The following CNTNAP2 variants were observed in gnomAD, a reference collection of about 807,000 sequenced individuals.
The protein encoded by CNTNAP2 is contactin associated protein 2, also known as contactin-associated protein-like 2.
A neutral mutation model predicts 155.2 loss-of-function variants in CNTNAP2; 98 were observed. The ratio of observed to expected loss-of-function variants is 0.63; its 90% CI spans 0.54 to 0.75. CNTNAP2 has a LOEUF of 0.75. Among genes scored for constraint, CNTNAP2 ranks in the 30% least tolerant of loss-of-function variants. The pLI is 0.00. For missense variants in CNTNAP2, 1,727 were observed against 1,688.1 expected, an observed-to-expected ratio of 1.02 and a Z score of -0.40; for synonymous variants, 651 against 631.2, an observed-to-expected ratio of 1.03 and a Z score of -0.47.
intron 12 of CNTNAP2, among the ~76,000 whole-genome samples, chr7:147,631,064 C>T (rs141056398): frequency 0.015 from 2,206 of 152,026 alleles, 25 homozygotes; most frequent in Non-Finnish European, 0.02. Context: ...GATCATATAC[C>T]TAGAAAACCC....
chr7:146,705,784 TGC>T (rs1800954375), intron 1 of CNTNAP2, among the ~76,000 whole-genome samples: 2 of 152,022 alleles, frequency 1.3e-5, no homozygotes, highest in Non-Finnish European at 2.9e-5. Context: ...TGGGGGAAGC[TGC>T]CCTAATGATT....
intron 13 of CNTNAP2, among the ~76,000 whole-genome samples, chr7:147,775,830 G>A (rs1200910363): frequency 1.3e-5 from 2 of 152,116 alleles, no homozygotes; most frequent in Non-Finnish European, 2.9e-5. Context: ...AGGTGTTACT[G>A]ACTGGCATTC....
chr7:146,481,407 C>T (rs1796958777), intron 1 of CNTNAP2, among the ~76,000 whole-genome samples: 1 of 152,216 alleles, frequency 6.6e-6, no homozygotes, highest in Non-Finnish European at 1.5e-5. Context: ...TGACCTTTTG[C>T]AAGTTACTCA....
intron 1 of CNTNAP2, among the ~76,000 whole-genome samples, chr7:146,351,932 G>A (rs765346168): frequency 2.0e-5 from 3 of 152,134 alleles, no homozygotes; most frequent in South Asian, 2.1e-4. Context: ...ACAACATAAC[G>A]TATTTGGAGG....
chr7:147,558,645 C>T (rs1799994910), intron 11 of CNTNAP2, among the ~76,000 whole-genome samples: 2 of 152,168 alleles, frequency 1.3e-5, no homozygotes. Context: ...AAGGCAAGCA[C>T]AATAATTGTT....
chr7:146,244,816 T>C (rs939281967), intron 1 of CNTNAP2, among the ~76,000 whole-genome samples: 11 of 152,168 alleles, frequency 7.2e-5, no homozygotes, highest in Non-Finnish European at 1.6e-4. Flanking sequence ...AGGAAAGGAC[T>C]CTACCTATCC....
chr7:146,465,128 C>G (rs1796699336), intron 1 of CNTNAP2, among the ~76,000 whole-genome samples: 1 of 151,928 alleles, frequency 6.6e-6, no homozygotes, highest in Non-Finnish European at 1.5e-5. Context: ...AACATACACA[C>G]ACACACCACA....
intron 3 of CNTNAP2, among the ~76,000 whole-genome samples, chr7:146,943,075 T>C (rs1437917775): frequency 6.6e-6 from 1 of 152,188 alleles, no homozygotes; most frequent in Non-Finnish European, 1.5e-5. Context: ...TGTCATGCAG[T>C]CAAATACCCA....
intron 3 of CNTNAP2, among the ~76,000 whole-genome samples, chr7:146,842,019 A>T (rs542904778): frequency 6.7e-6 from 1 of 149,458 alleles, no homozygotes; most frequent in East Asian, 2.0e-4. Context: ...AGTAGCTGGG[A>T]TTGCAGGCAT....
chr7:148,388,878 A>G (rs1212578772), intron 22 of CNTNAP2, among the ~76,000 whole-genome samples: 2 of 152,014 alleles, frequency 1.3e-5, no homozygotes, highest in African/African-American at 4.8e-5. Flanking sequence ...CTGCCATCTG[A>G]TCGTTCCTCT....
intron 11 of CNTNAP2, among the ~76,000 whole-genome samples, chr7:147,546,319 GA>G (rs1177802591): frequency 6.6e-6 from 1 of 151,760 alleles, no homozygotes; most frequent in African/African-American, 2.4e-5. Context: ...AGATCAGCAG[GA>G]AAAAAAGAAA....
intron 13 of CNTNAP2, among the ~76,000 whole-genome samples, chr7:147,819,446 T>G (rs1034234397): frequency 1.1e-4 from 16 of 152,102 alleles, no homozygotes; most frequent in Non-Finnish European, 2.9e-5. Context: ...ATTCCAGATC[T>G]TGATCCTCAT....
chr7:147,255,441 C>T (rs1163899918), intron 8 of CNTNAP2, among the ~76,000 whole-genome samples: 1 of 152,046 alleles, frequency 6.6e-6, no homozygotes, highest in Non-Finnish European at 1.5e-5. Flanking sequence ...AGGCTGGTCT[C>T]GAACTCCTGA....
intron 4 of CNTNAP2, among the ~76,000 whole-genome samples, chr7:147,076,223 G>T (rs1799998740): frequency 6.6e-6 from 1 of 152,144 alleles, no homozygotes; most frequent in South Asian, 2.1e-4. Flanking sequence ...TTCCACAAAG[G>T]TTGAACTAGT....
chr7:147,497,534 C>G (rs952611073), intron 11 of CNTNAP2, among the ~76,000 whole-genome samples: 1 of 152,172 alleles, frequency 6.6e-6, no homozygotes, highest in Non-Finnish European at 1.5e-5. Flanking sequence ...GCCCATCCAA[C>G]TACACTGGAT....
intron 1 of CNTNAP2, among the ~76,000 whole-genome samples, chr7:146,122,916 T>C (rs1048108935): frequency 3.9e-5 from 6 of 152,234 alleles, no homozygotes; most frequent in Non-Finnish European, 5.9e-5. Context: ...CCAATTATTC[T>C]TTCCAACAAA....
intron 1 of CNTNAP2, among the ~76,000 whole-genome samples, chr7:146,568,668 A>G (rs1223591064): frequency 6.6e-6 from 1 of 152,166 alleles, no homozygotes; most frequent in Non-Finnish European, 1.5e-5. Flanking sequence ...CCTCTTCCTC[A>G]GGAGAGGTTT....
chr7:146,409,653 AC>A (rs1212447884), intron 1 of CNTNAP2, among the ~76,000 whole-genome samples: 1 of 152,138 alleles, frequency 6.6e-6, no homozygotes, highest in Non-Finnish European at 1.5e-5. Flanking sequence ...TAATTTTCTC[AC>A]CTTCCCAAGG....
intron 5 of CNTNAP2, among the ~76,000 whole-genome samples, chr7:147,116,703 C>T (rs1800997755): frequency 6.6e-6 from 1 of 151,548 alleles, no homozygotes; most frequent in African/African-American, 2.4e-5. Flanking sequence ...GGTGGTGACC[C>T]TCCCCTCCCT....
Sources: allele counts gnomAD v4.1 joint callset (sites outside exome capture counted in the v4.1 genomes callset), GRCh38; gene constraint gnomAD v4.1.1; transcripts MANE v1.5; gene names NCBI Gene and HGNC (gene_info 2026-07-23, HGNC 2026-07-21).